Variants in PTPRD observed in about 807,000 individuals in gnomAD.
PTPRD encodes the protein protein tyrosine phosphatase receptor type D.
PTPRD carries 34 observed loss-of-function variants against 214.5 expected under a neutral mutation model. The observed-to-expected ratio is 0.16, with a 90% CI of 0.12 to 0.21. The LOEUF is 0.21. Among genes scored for constraint, PTPRD ranks in the 10% least tolerant of loss-of-function variants. PTPRD has a pLI of 1.00. For missense variants in PTPRD, 2,545 were observed against 2,398.7 expected, an observed-to-expected ratio of 1.06 and a Z score of -1.27; for synonymous variants, 1,128 against 845.7, an observed-to-expected ratio of 1.33 and a Z score of -5.79.
chr9:9,721,890 T>G (rs907352435), intron 7 of PTPRD, among the ~76,000 whole-genome samples: 4 of 152,058 alleles, frequency 2.6e-5, no homozygotes, highest in Admixed American at 2.0e-4. Context: ...AACAATAAAA[T>G]CTGAGTTCTT....
At chr9:10,087,529 G>T (rs2098364749) in intron 3 of PTPRD, among the ~76,000 whole-genome samples, 1 of 151,608 alleles carries the variant, frequency 6.6e-6, no homozygotes, top group South Asian at 2.1e-4. Flanking sequence ...CGAGCAAAGT[G>T]TTCTCAGGCA....
At chr9:8,696,758 G>T (rs1205600085) in intron 12 of PTPRD, among the ~76,000 whole-genome samples, 1 of 152,154 alleles carries the variant, frequency 6.6e-6, no homozygotes, top group Non-Finnish European at 1.5e-5. Flanking sequence ...CCAAGATAAG[G>T]AGTTTTTACT....
At chr9:10,321,342 G>A (rs1211052901) in intron 3 of PTPRD, among the ~76,000 whole-genome samples, 2 of 151,912 alleles carry the variant, frequency 1.3e-5, no homozygotes, top group African/African-American at 2.4e-5. Context: ...GAGTGAGAAG[G>A]GCATTGATTG....
At chr9:9,225,959 A>AT (rs371567491) in intron 9 of PTPRD, among the ~76,000 whole-genome samples, 4 of 152,040 alleles carry the variant, frequency 2.6e-5, no homozygotes, top group African/African-American at 4.8e-5. Context: ...CTCCTAATAT[A>AT]TTTTTTGTTT....
chr9:10,006,144 A>T (rs1405771188), intron 4 of PTPRD, among the ~76,000 whole-genome samples: 1 of 152,066 alleles, frequency 6.6e-6, no homozygotes, highest in East Asian at 1.9e-4. Flanking sequence ...AAAGTTTTTA[A>T]GAGAAGCACT....
intron 2 of PTPRD, among the ~76,000 whole-genome samples, chr9:10,518,114 C>A (rs1267014711): frequency 1.3e-5 from 2 of 152,142 alleles, no homozygotes; most frequent in Non-Finnish European, 2.9e-5. Flanking sequence ...ATTGTTCTAA[C>A]TAGAACATAA....
intron 8 of PTPRD, among the ~76,000 whole-genome samples, chr9:9,555,253 A>T (rs928646405): frequency 1.3e-5 from 2 of 152,050 alleles, no homozygotes; most frequent in African/African-American, 4.8e-5. Context: ...AAAATATCTT[A>T]TTAGGGCAGA....
At chr9:8,373,894 CTATCTATCTATCTATCTAT>C (rs879449689) in intron 39 of PTPRD, among the ~76,000 whole-genome samples, 12,533 of 130,620 alleles carry the variant, frequency 0.096, 1,062 homozygotes, top group African/African-American at 0.27. Context: ...ATCTATCTAT[CTATCTATCTATCTATCTAT>C]CTACCTACCT....
intron 4 of PTPRD, among the ~76,000 whole-genome samples, chr9:9,941,877 A>G (rs1025018149): frequency 2.6e-5 from 4 of 152,206 alleles, no homozygotes; most frequent in African/African-American, 9.6e-5. Flanking sequence ...CAGAAGAAAA[A>G]TCAGTAGTTA....
chr9:9,108,389 T>G (rs892165555), intron 10 of PTPRD, among the ~76,000 whole-genome samples: 1 of 152,098 alleles, frequency 6.6e-6, no homozygotes, highest in African/African-American at 2.4e-5. Context: ...GCGGTTGCAT[T>G]AGTTTAGGTA....
intron 14 of PTPRD, among the ~76,000 whole-genome samples, chr9:8,601,963 A>G (rs925335089): frequency 1.3e-5 from 2 of 152,180 alleles, no homozygotes; most frequent in African/African-American, 2.4e-5. Context: ...AATTATAGGT[A>G]GTGACAATGG....
At chr9:9,602,896 T>C (rs1019714348) in intron 7 of PTPRD, among the ~76,000 whole-genome samples, 1 of 152,172 alleles carries the variant, frequency 6.6e-6, no homozygotes, top group Non-Finnish European at 1.5e-5. Context: ...TATAAAATTC[T>C]AAATAATTTG....
At chr9:9,765,333 T>A (rs1421260032) in intron 6 of PTPRD, among the ~76,000 whole-genome samples, 4 of 152,158 alleles carry the variant, frequency 2.6e-5, no homozygotes, top group Non-Finnish European at 5.9e-5. Context: ...TAACCGTATT[T>A]CCCCAAGCAT....
intron 3 of PTPRD, among the ~76,000 whole-genome samples, chr9:10,308,958 A>C (rs530222349): frequency 7.8e-4 from 119 of 152,184 alleles, no homozygotes; most frequent in African/African-American, 2.7e-3. Flanking sequence ...ACTTGTGTGA[A>C]TATATTATGG....
At position 8,372,776 on chromosome 9, in the gene PTPRD, C is replaced by T. The variant is rs2081947080; in HGVS notation, c.4661+3160G>A. On this transcript the variant is annotated intron_variant, in intron 39 of 45. Coordinates refer to ENST00000381196, the MANE Select transcript of PTPRD (RefSeq NM_002839.4). The stretch of plus-strand genomic sequence containing the variant: ...TTGTTGATTGTTAGAATTTCTTTTA[C>T]TTAATGGCTCATTTTTGTCTTAGTC... Among the ~76,000 whole-genome samples the T allele has an allele frequency of 2.0e-5, 3 of 152,056 alleles. No homozygotes were observed. The South Asian group carries it at 6.2e-4, about 32-fold the overall frequency.
Position 10,366,889 on chromosome 9 carries a change from G to C in PTPRD, c.-599-25872C>G, listed in dbSNP as rs1260240897. The stretch of plus-strand genomic sequence containing the variant: ...CTTTGAAGAGAAGACTATGAGTATA[G>C]ACTATTAATTTTTGAAAAGAACACC... On this transcript the variant is annotated intron_variant, in intron 2 of 45. Transcript: ENST00000381196. 2.6e-5 allele frequency among the ~76,000 whole-genome samples: 4 copies of C among 152,188 alleles called. No individual in the cohort carries two copies. In the South Asian group the frequency reaches 6.2e-4, roughly 24 times the overall value.
At chr9:8,597,979 T>C (rs1594886346) in intron 14 of PTPRD, among the ~76,000 whole-genome samples, 1 of 152,216 alleles carries the variant, frequency 6.6e-6, no homozygotes, top group African/African-American at 2.4e-5. Context: ...TAACTTTTTA[T>C]GCCATCTATA....
At chr9:8,602,658 C>T (rs1331104376) in intron 14 of PTPRD, among the ~76,000 whole-genome samples, 3 of 152,196 alleles carry the variant, frequency 2.0e-5, no homozygotes, top group East Asian at 1.9e-4. Flanking sequence ...TACAGACAAT[C>T]GTCAATAGAA....
chr9:8,427,443 C>G (rs776117415), intron 35 of PTPRD, among the ~76,000 whole-genome samples: 7 of 152,026 alleles, frequency 4.6e-5, no homozygotes, highest in Non-Finnish European at 1.0e-4. Context: ...GAAATTGATC[C>G]AGACACACAC....
Sources: allele counts gnomAD v4.1 joint callset (sites outside exome capture counted in the v4.1 genomes callset), GRCh38; gene constraint gnomAD v4.1.1; transcripts MANE v1.5; gene names NCBI Gene and HGNC (gene_info 2026-07-23, HGNC 2026-07-21).